The following NCOR1 variants were observed in gnomAD, a reference collection of about 807,000 sequenced individuals.
NCOR1 encodes the protein protein phosphatase 1, regulatory subunit 109.
A neutral mutation model predicts 288.1 loss-of-function variants in NCOR1; 63 were observed. That is an observed-to-expected ratio of 0.22 (90% CI 0.18 to 0.27). The LOEUF (loss-of-function observed/expected upper bound fraction) is 0.27, where lower values mean the gene tolerates loss of function less well. Among genes scored for constraint, NCOR1 ranks in the 10% least tolerant of loss-of-function variants. The pLI is 1.00. For synonymous variants in NCOR1, 1,007 were observed against 1,065.9 expected, an observed-to-expected ratio of 0.94 and a Z score of 1.08; for missense variants, 2,397 against 3,019.2, an observed-to-expected ratio of 0.79 and a Z score of 4.83.
intron 14 of NCOR1, among the ~76,000 whole-genome samples, chr17:16,130,745 G>A (rs564870420): frequency 6.6e-5 from 10 of 152,202 alleles, no homozygotes; most frequent in East Asian, 3.9e-4. Flanking sequence ...GTACAGCGGC[G>A]CAATCTTGGC....
intron 15 of NCOR1, among the ~76,000 whole-genome samples, chr17:16,125,701 CA>C (rs71353771): frequency 0.47 from 38,766 of 82,280 alleles, 4,996 homozygotes; most frequent in Middle Eastern, 0.59. Context: ...GACGCCATCA[CA>C]AAAAAAAAAA....
At chr17:16,106,793 A>T (rs2068727517) in intron 19 of NCOR1, among the ~76,000 whole-genome samples, 1 of 141,194 alleles carries the variant, frequency 7.1e-6, no homozygotes, top group African/African-American at 2.6e-5. Context: ...ATTTCCTCTT[A>T]ATAGGAAACT....
intron 4 of NCOR1, among the ~76,000 whole-genome samples, chr17:16,168,971 A>T (rs1427372970): frequency 6.6e-6 from 1 of 152,138 alleles, no homozygotes; most frequent in Non-Finnish European, 1.5e-5. Context: ...CTCAAAAAAA[A>T]AAAAAAACAA....
At chr17:16,099,955 A>C (rs753082137) in intron 20 of NCOR1, among the ~76,000 whole-genome samples, 1 of 152,222 alleles carries the variant, frequency 6.6e-6, no homozygotes, top group Non-Finnish European at 1.5e-5. Flanking sequence ...TATGGAGTAC[A>C]TAAGATATAA....
chr17:16,137,324 C>G lies in NCOR1; in HGVS notation c.1496G>C (p.Arg499Thr), dbSNP rs2076578951. Reference sequence around the variant, plus strand: ...AAGAAAACACACCTGGTTTCTGCCTCTGCGTTTCCCATAATTCCTTCTGAC... The same window carrying G: ...AAGAAAACACACCTGGTTTCTGCCTGTGCGTTTCCCATAATTCCTTCTGAC... ...ALVRRNYGKRRGRNQQIARPS... is the reference protein window; with the variant it reads ...ALVRRNYGKRTGRNQQIARPS... Residue 499 changes from arginine (R) to threonine (T), a missense_variant, in exon 14 of 46, where the codon AGA (arginine) becomes ACA (threonine). By Grantham distance (71) the Arg-to-Thr change is moderately conservative (BLOSUM62 -1). This residue lies in a region of NCOR1 where 7 missense variants were observed against 30.5 expected (regional missense o/e 0.23). Transcript: ENST00000268712. 1 of 1,601,262 alleles carries G rather than the reference C, an allele frequency of 6.2e-7. No individual in the cohort carries two copies. Among genetic ancestry groups the G allele is most frequent in the African/African-American group, 1.3e-5 (1 of 74,518 alleles).
At chr17:16,072,002 G>T in intron 29 of NCOR1, 143 bp downstream of exon 29, 1 of 640,092 alleles carries the variant, frequency 1.6e-6, no homozygotes, top group Non-Finnish European at 2.6e-6. Context: ...ATGTAGCTCA[G>T]AGGCAGAAAA....
rs764074029 is a variant in NCOR1, at chr17:16,090,011, C to T, written c.3016+1852G>A. On this transcript the variant is annotated intron_variant, in intron 22 of 45. Transcript: ENST00000268712. ...TAATTACAATTTGATTTTAAGATGA[C>T]TGAATTATGATTAAAAATTAGGATA... Among the ~76,000 whole-genome samples the T allele has an allele frequency of 1.3e-3, 194 of 152,012 alleles. 1 individual carries two copies. The highest frequency in any genetic ancestry group is 2.8e-4 in the Non-Finnish European group (19 of 67,922).
rs114384924 is a variant in NCOR1 at position 16,035,283 on chromosome 17, T to C, written c.6956-339A>G. Among the ~76,000 whole-genome samples, 644 of 152,342 alleles carry C rather than the reference T, an allele frequency of 4.2e-3. 8 individuals are homozygous for C. The highest frequency in any genetic ancestry group is 0.015 in the African/African-American group (619 of 41,584). On this transcript the variant is annotated intron_variant, in intron 44 of 45. Transcript: ENST00000268712. ...TGCAATGATAGCATTTTAGCCACAGTAGAACTTTCAAAATTGGAGTTGATC... is the reference window on the plus strand; with the variant it reads ...TGCAATGATAGCATTTTAGCCACAGCAGAACTTTCAAAATTGGAGTTGATC...
intron 1 of NCOR1, among the ~76,000 whole-genome samples, chr17:16,205,423 G>T (rs1196225398): frequency 6.6e-6 from 1 of 151,804 alleles, no homozygotes; most frequent in Non-Finnish European, 1.5e-5. Flanking sequence ...AGGAGTTCGA[G>T]ACCAGCCTGA....
At chr17:16,168,465 T>A (rs2082465539) in intron 4 of NCOR1, among the ~76,000 whole-genome samples, 1 of 151,736 alleles carries the variant, frequency 6.6e-6, no homozygotes, top group Non-Finnish European at 1.5e-5. Flanking sequence ...CCTCCCAAAG[T>A]GCTGGGATTA....
At chr17:16,142,631 G>T (rs1041661358) in intron 11 of NCOR1, among the ~76,000 whole-genome samples, 6 of 152,056 alleles carry the variant, frequency 3.9e-5, no homozygotes, top group African/African-American at 1.4e-4. Flanking sequence ...CTGACCCAAA[G>T]GTTTAAAATA....
intron 45 of NCOR1, 83 bp downstream of exon 45, chr17:16,034,682 G>C: frequency 8.1e-7 from 1 of 1,235,910 alleles, no homozygotes; most frequent in Non-Finnish European, 1.1e-6. Flanking sequence ...AATTAGAAGA[G>C]TTGCTGAATT....
intron 2 of NCOR1, among the ~76,000 whole-genome samples, chr17:16,191,263 C>T (rs1302298395): frequency 1.3e-5 from 2 of 152,156 alleles, no homozygotes; most frequent in African/African-American, 4.8e-5. Flanking sequence ...CCACTGAATA[C>T]ACGGGACATT....
intron 12 of NCOR1, 77 bp downstream of exon 12, chr17:16,138,931 A>C: frequency 8.6e-7 from 1 of 1,162,062 alleles, no homozygotes; most frequent in Middle Eastern, 3.0e-4. Context: ...AAACAGTTCA[A>C]TTTACAAGTA....
intron 3 of NCOR1, among the ~76,000 whole-genome samples, chr17:16,181,211 A>ATGTGTATGTGTG (rs1555787780): frequency 7.2e-6 from 1 of 139,580 alleles, no homozygotes; most frequent in South Asian, 2.4e-4. Flanking sequence ...ATATATATGT[A>ATGTGTATGTGTG]TGTGTGTGTG....
rs760961758 is a variant in NCOR1 at position 16,070,151 on chromosome 17, C to T, written c.4513+14G>A. 5 of 1,541,656 alleles carry T rather than the reference C, an allele frequency of 3.2e-6. No individual in the cohort carries two copies. In the African/African-American group the frequency reaches 7.2e-5, roughly 22 times the overall value. On this transcript the variant is annotated intron_variant, in intron 31 of 45. Transcript: ENST00000268712. Reference sequence around the variant, plus strand: ...CAATAAAAAGTATCAGACCAAGCAACAAAAGTAACATACCATCAGAAGTTC... The same window carrying T: ...CAATAAAAAGTATCAGACCAAGCAATAAAAGTAACATACCATCAGAAGTTC...
chr17:16,099,917 A>G (rs2067292296), intron 20 of NCOR1, among the ~76,000 whole-genome samples: 1 of 152,230 alleles, frequency 6.6e-6, no homozygotes, highest in Non-Finnish European at 1.5e-5. Context: ...ATAATGCTCC[A>G]TATTATTATT....
intron 37 of NCOR1, among the ~76,000 whole-genome samples, chr17:16,060,755 T>A (rs2060468618): frequency 6.6e-6 from 1 of 152,224 alleles, no homozygotes. Flanking sequence ...ACTTCCAGTA[T>A]TAGCAGATGC....
chr17:16,114,669 C>G (rs557448520), intron 18 of NCOR1, among the ~76,000 whole-genome samples: 3 of 152,328 alleles, frequency 2.0e-5, no homozygotes, highest in Non-Finnish European at 1.5e-5. Context: ...GGCAGTCAAA[C>G]CTTAAAGCTC....
Sources: allele counts gnomAD v4.1 joint callset (sites outside exome capture counted in the v4.1 genomes callset), GRCh38; gene constraint gnomAD v4.1.1; regional missense constraint gnomAD v4.1.1; transcripts MANE v1.5; gene names NCBI Gene and HGNC (gene_info 2026-07-23, HGNC 2026-07-21).